The following CCDC141 variants were observed in gnomAD, a reference collection of about 807,000 sequenced individuals.
CCDC141 encodes the protein coiled-coil domain containing 141, also known as coiled-coil domain-containing protein 141.
CCDC141 carries 168 observed loss-of-function variants against 181.0 expected under a neutral mutation model. The observed-to-expected ratio is 0.93, with a 90% CI of 0.82 to 1.05. The LOEUF is 1.05. CCDC141 is among the 50% of genes least tolerant of loss of function. The pLI is 0.00. For synonymous variants in CCDC141, 666 were observed against 642.3 expected (o/e 1.04, Z -0.56); for missense variants, 1,902 against 1,788.5 (o/e 1.06, Z -1.14).
At chr2:178,881,915 T>TCTCTCTCTCACA (rs1465946696) in intron 11 of CCDC141, among the ~76,000 whole-genome samples, 11 of 92,286 alleles carry the variant, frequency 1.2e-4, no homozygotes, top group African/African-American at 4.3e-4. Context: ...TCTCTCTCTC[T>TCTCTCTCTCACA]CACACACACA....
intron 2 of CCDC141, among the ~76,000 whole-genome samples, chr2:178,988,494 A>G (rs1399659225): frequency 2.0e-5 from 3 of 151,540 alleles, no homozygotes; most frequent in Non-Finnish European, 4.4e-5. Flanking sequence ...AATAAAAAAA[A>G]AGAAATTGAA....
intron 4 of CCDC141, among the ~76,000 whole-genome samples, chr2:178,968,830 C>A (rs1452830800): frequency 2.0e-5 from 3 of 151,640 alleles, no homozygotes; most frequent in Non-Finnish European, 4.4e-5. Flanking sequence ...ACAAAACAGA[C>A]CGCTAGCCAG....
intron 2 of CCDC141, among the ~76,000 whole-genome samples, chr2:178,990,886 G>A (rs1692021905): frequency 6.6e-6 from 1 of 152,056 alleles, no homozygotes; most frequent in Non-Finnish European, 1.5e-5. Context: ...TAGAGGTGAT[G>A]GTTGCACATG....
chr2:178,817,304 A>G, the CCDC141 span, among the ~76,000 whole-genome samples: 8 of 152,310 alleles, frequency 5.3e-5, no homozygotes, highest in South Asian at 1.2e-3. Flanking sequence ...AAAAGGGTGC[A>G]TATTGTCTTG....
intron 8 of CCDC141, among the ~76,000 whole-genome samples, chr2:178,899,942 T>A (rs531899513): frequency 2.0e-5 from 3 of 152,292 alleles, no homozygotes; most frequent in Admixed American, 6.5e-5. Context: ...AGTAGCAATG[T>A]ATGGCTCTAG....
At chr2:178,860,952 G>A (rs1401943923) in intron 17 of CCDC141, among the ~76,000 whole-genome samples, 2 of 152,114 alleles carry the variant, frequency 1.3e-5, no homozygotes, top group Non-Finnish European at 2.9e-5. Context: ...TGTTCAGGAA[G>A]TTTCCACAGT....
At chr2:179,005,330 G>C (rs557841720) in intron 2 of CCDC141, among the ~76,000 whole-genome samples, 12 of 151,700 alleles carry the variant, frequency 7.9e-5, no homozygotes, top group African/African-American at 2.7e-4. Context: ...AAAAGGTTTA[G>C]AAAATTATTA....
intron 20 of CCDC141, 89 bp downstream of exon 20, chr2:178,853,352 G>A: frequency 1.7e-6 from 2 of 1,180,916 alleles, no homozygotes; most frequent in Non-Finnish European, 2.4e-6. Context: ...GGACCCTGAG[G>A]ACTTGCCACA....
At chr2:178,823,188 CT>C in the CCDC141 span, among the ~76,000 whole-genome samples, 1 of 152,142 alleles carries the variant, frequency 6.6e-6, no homozygotes, top group Admixed American at 6.5e-5. Context: ...TATTTTTTCT[CT>C]GAGTTGGAGA....
Position 179,000,055 on chromosome 2 carries a change from TACACACACACACACAC to T in CCDC141, c.226-21396_226-21381del, listed in dbSNP as rs67309651. ...TCCACTGCTCAGAGATTCATCACCA[TACACACACACACACAC>T]ACACACACACACACACACACACACA... On this transcript the variant is annotated intron_variant, in intron 2 of 23. Transcript: ENST00000443758. 1.3e-4 allele frequency among the ~76,000 whole-genome samples: 19 copies of T among 144,262 alleles called. 1 individual carries two copies. The highest frequency in any genetic ancestry group is 1.1e-4 in the Non-Finnish European group (7 of 65,972). 94.6% of individuals were successfully genotyped at this position (144,262 alleles called of 152,430 possible).
chr2:178,959,092 A>G (rs1405424408), intron 5 of CCDC141, among the ~76,000 whole-genome samples: 1 of 148,660 alleles, frequency 6.7e-6, no homozygotes, highest in Non-Finnish European at 1.5e-5. Context: ...GAACTGAACA[A>G]TGAGAACACT....
At chr2:178,910,604 G>A (rs559459524) in intron 7 of CCDC141, among the ~76,000 whole-genome samples, 1 of 152,238 alleles carries the variant, frequency 6.6e-6, no homozygotes, top group Non-Finnish European at 1.5e-5. Flanking sequence ...TCCCACTCTG[G>A]GGAACTGATT....
intron 3 of CCDC141, among the ~76,000 whole-genome samples, chr2:178,977,001 C>T (rs564423881): frequency 6.6e-6 from 1 of 152,202 alleles, no homozygotes; most frequent in Non-Finnish European, 1.5e-5. Flanking sequence ...TTCCTTTCTC[C>T]ACTCTCTTAT....
chr2:178,919,865 T>G (rs1002154106), intron 6 of CCDC141, among the ~76,000 whole-genome samples: 1 of 152,230 alleles, frequency 6.6e-6, no homozygotes, highest in African/African-American at 2.4e-5. Flanking sequence ...TGTTCGGTAT[T>G]TTCTCCTTCA....
At chr2:178,867,906 C>T in intron 16 of CCDC141, 120 bp downstream of exon 16, 1 of 754,166 alleles carries the variant, frequency 1.3e-6, no homozygotes, top group East Asian at 2.7e-5. Context: ...ATAACTACCC[C>T]AATGGTTTAG....
At chr2:178,935,357 A>G (rs890253512) in intron 6 of CCDC141, among the ~76,000 whole-genome samples, 1 of 152,148 alleles carries the variant, frequency 6.6e-6, no homozygotes, top group Non-Finnish European at 1.5e-5. Context: ...TCTCACTTAT[A>G]TGTGAAAACA....
At chr2:178,820,139 C>T in the CCDC141 span, among the ~76,000 whole-genome samples, 2 of 152,178 alleles carry the variant, frequency 1.3e-5, no homozygotes, top group African/African-American at 2.4e-5. Flanking sequence ...GATGTAGTTA[C>T]TTCTGTTTGA....
At chr2:178,880,475 G>C (rs1433384046) in intron 11 of CCDC141, among the ~76,000 whole-genome samples, 3 of 152,144 alleles carry the variant, frequency 2.0e-5, no homozygotes, top group Non-Finnish European at 4.4e-5. Context: ...CTGGATAAGA[G>C]ATGATGACAG....
Position 178,868,144 on chromosome 2 carries a change from T to C in CCDC141, c.2456A>G (p.Asp819Gly), listed in dbSNP as rs1263382360. 5.6e-6 allele frequency: 9 copies of C among 1,613,954 alleles called. No individual in the cohort carries two copies. The highest frequency in any genetic ancestry group is 1.6e-4 in the Middle Eastern group (1 of 6,080). The change falls in exon 16 of 24, where the codon GAT (aspartate) becomes GGT (glycine). Residue 819 changes from aspartate to glycine, a missense_variant. Coordinates refer to ENST00000443758, the MANE Select transcript of CCDC141 (RefSeq NM_173648.4). Reference protein sequence around the residue: ...EFVEQPKELGDAHDVQIHLRC... With the variant: ...EFVEQPKELGGAHDVQIHLRC... ...GAGGTGAATCTGCACATCATGGGCA[T>C]CACCCAGTTCCTTCGGCTGCTCTAC...
Sources: allele counts gnomAD v4.1 joint callset (sites outside exome capture counted in the v4.1 genomes callset), GRCh38; gene constraint gnomAD v4.1.1; transcripts MANE v1.5; gene names NCBI Gene and HGNC (gene_info 2026-07-23, HGNC 2026-07-21).